ZSCAN5A: variants seen among roughly 807,000 people sequenced by gnomAD.
ZSCAN5A encodes zinc finger and SCAN domain-containing protein 5A.
A neutral mutation model predicts 23.7 loss-of-function variants in ZSCAN5A; 12 were observed. That is an observed-to-expected ratio of 0.51 (90% CI 0.32 to 0.82). ZSCAN5A has a LOEUF of 0.82. ZSCAN5A is among the 40% of genes least tolerant of loss of function. The pLI is 0.03. For synonymous variants in ZSCAN5A, 257 were observed against 239.9 expected (o/e 1.07, Z -0.66); for missense variants, 597 against 617.9 (o/e 0.97, Z 0.36).
At position 56,313,568 on chromosome 19, in the gene ZSCAN5A, G is replaced by A. The variant is rs148110248; in HGVS notation, c.-229-184C>T. 1.6e-3 allele frequency among the ~76,000 whole-genome samples: 239 copies of A among 152,326 alleles called. 2 individuals carry two copies. In the East Asian group the frequency reaches 0.031, roughly 20 times the overall value. On this transcript the variant is annotated intron_variant, in intron 1 of 5. Transcript: ENST00000683990. ...GAAGAGAATGCCAATCCCTCCGTAG[G>A]TAAGTTAGGCAAAAATGATGTATTT...
At chr19:56,252,432 A>G (rs919663416) in intron 2 of ZSCAN5A, among the ~76,000 whole-genome samples, 12 of 152,342 alleles carry the variant, frequency 7.9e-5, no homozygotes, top group Admixed American at 5.9e-4. Context: ...AGCTTATTAC[A>G]TAACAGGATT....
In ZSCAN5A at chr19:56,221,648, C is replaced by A. The variant is rs1172385623; in HGVS notation, c.1418G>T (p.Cys473Phe). The A allele has an allele frequency of 6.2e-7, 1 of 1,614,102 alleles. No homozygotes were observed. Among genetic ancestry groups the A allele is most frequent in the African/African-American group, 1.3e-5 (1 of 75,058 alleles). ...SGEKPYKCSK[C>F]PRAFSRLKLL... ...TTTCAGCCGACTGAAGGCTCTTGGACACTTGGAACATTTGTAGGGTTTCTC... is the reference window on the plus strand; with the variant it reads ...TTTCAGCCGACTGAAGGCTCTTGGAAACTTGGAACATTTGTAGGGTTTCTC... Residue 473 changes from cysteine to phenylalanine, a missense_variant, in exon 6 of 6, where the codon TGT becomes TTT. Cys to Phe is a radical substitution (Grantham distance 205). This residue lies in a region of ZSCAN5A where 87 missense variants were observed against 74.4 expected (regional missense o/e 1.17). Coordinates refer to ENST00000683990, the MANE Select transcript of ZSCAN5A (RefSeq NM_001322064.3).
At chr19:56,250,715 A>G (rs2036276149) in intron 2 of ZSCAN5A, among the ~76,000 whole-genome samples, 1 of 152,170 alleles carries the variant, frequency 6.6e-6, no homozygotes, top group Non-Finnish European at 1.5e-5. Flanking sequence ...TTTCTCCCAC[A>G]TCCGCTCCTA....
At chr19:56,301,848 AT>A in intron 2 of ZSCAN5A, 2 of 1,187,140 alleles carry the variant, frequency 1.7e-6, no homozygotes, top group Non-Finnish European at 2.1e-6. Context: ...CAAAATTTCA[AT>A]TCAGGAGGCA....
chr19:56,283,383 C>G (rs2038859800), intron 2 of ZSCAN5A: 1 of 152,148 alleles, frequency 6.6e-6, no homozygotes, highest in Non-Finnish European at 1.5e-5. Context: ...CAGATCCAAA[C>G]AGGAAACAAT....
At chr19:56,284,143 A>G in intron 2 of ZSCAN5A, 1 of 985,332 alleles carries the variant, frequency 1.0e-6, no homozygotes, top group Non-Finnish European at 1.2e-6. Flanking sequence ...AACATTCTGG[A>G]CCACGCATGT....
intron 2 of ZSCAN5A, among the ~76,000 whole-genome samples, chr19:56,310,835 T>A (rs894174569): frequency 6.6e-6 from 1 of 152,198 alleles, no homozygotes; most frequent in African/African-American, 2.4e-5. Context: ...GTTTCTTGGG[T>A]TCGAATCCCA....
At chr19:56,259,445 T>A (rs968712875) in intron 2 of ZSCAN5A, among the ~76,000 whole-genome samples, 2 of 152,186 alleles carry the variant, frequency 1.3e-5, no homozygotes, top group African/African-American at 4.8e-5. Flanking sequence ...TAGAATTCAA[T>A]CAGCCTTTTC....
intron 2 of ZSCAN5A, among the ~76,000 whole-genome samples, chr19:56,344,447 C>T (rs2041616000): frequency 6.6e-6 from 1 of 152,184 alleles, no homozygotes; most frequent in Admixed American, 6.5e-5. Flanking sequence ...TAGTATTTGG[C>T]AGGGATAAGT....
rs1175628460 is a variant in ZSCAN5A at position 56,341,702 on chromosome 19, C to CAAAAAAA, written c.-358+21526_-358+21532dup. Among the ~76,000 whole-genome samples, 292 of 53,728 alleles carry CAAAAAAA rather than the reference C, an allele frequency of 5.4e-3. 11 individuals carry two copies. The highest frequency in any genetic ancestry group is 0.018 in the South Asian group (21 of 1,164). 35.2% of individuals were successfully genotyped at this position (53,728 alleles called of 152,430 possible). On this transcript the variant is annotated intron_variant, in intron 2 of 6. Coordinates refer to the ZSCAN5A transcript ENST00000587340. ...ATCTTCTAGGCAGGTTACCAAAAGGCAAAAAAAAAAAAAAAAAAAAAAAAA... is the reference window on the plus strand; with the variant it reads ...ATCTTCTAGGCAGGTTACCAAAAGGCAAAAAAAAAAAAAAAAAAAAAAAAAAAAAAAA...
chr19:56,323,848 T>C (rs2041407318), intron 2 of ZSCAN5A, among the ~76,000 whole-genome samples: 1 of 152,148 alleles, frequency 6.6e-6, no homozygotes. Flanking sequence ...CAGAACTTTT[T>C]TTTTTATAGA....
At chr19:56,302,748 C>T in intron 2 of ZSCAN5A, 1 of 312,754 alleles carries the variant, frequency 3.2e-6, no homozygotes, top group Non-Finnish European at 5.8e-6. Context: ...GATAAAACTT[C>T]TCCCTTCTGC....
chr19:56,303,993 C>A (rs1200966164), intron 2 of ZSCAN5A, among the ~76,000 whole-genome samples: 1 of 152,126 alleles, frequency 6.6e-6, no homozygotes, highest in Non-Finnish European at 1.5e-5. Flanking sequence ...GGGTCCAGGT[C>A]ATGTAAGGTT....
chr19:56,329,891 G>C (rs1022005789), intron 2 of ZSCAN5A, among the ~76,000 whole-genome samples: 1 of 152,138 alleles, frequency 6.6e-6, no homozygotes, highest in African/African-American at 2.4e-5. Context: ...GTGTTACTTA[G>C]GTATGTTGCA....
intron 2 of ZSCAN5A, among the ~76,000 whole-genome samples, chr19:56,253,514 C>T (rs1276871452): frequency 6.6e-6 from 1 of 152,138 alleles, no homozygotes; most frequent in Non-Finnish European, 1.5e-5. Flanking sequence ...TGCCAGAAAG[C>T]TGAACACCTG....
chr19:56,257,398 T>C (rs1158090224), intron 2 of ZSCAN5A, among the ~76,000 whole-genome samples: 2 of 152,166 alleles, frequency 1.3e-5, no homozygotes, highest in Admixed American at 1.3e-4. Context: ...ACAGAACACT[T>C]GTCCCTGGGA....
Position 56,225,005 on chromosome 19 carries a change from G to T in ZSCAN5A, c.42C>A (p.Ser14=). The T allele has an allele frequency of 1.9e-6, 3 of 1,613,490 alleles. No individual in the cohort carries two copies. Among genetic ancestry groups the T allele is most frequent in the Non-Finnish European group, 2.5e-6 (3 of 1,179,672 alleles). ...NCTSSWSLGE[S]CNRPGLELPR... The stretch of plus-strand genomic sequence containing the variant: ...GCAGCTCCAACCCAGGTCTGTTGCA[G>T]GATTCTCCTAGACTCCATGAGGATG... The change falls in exon 3 of 6, where the codon TCC becomes TCA. Residue 14 remains serine, a synonymous_variant. Coordinates refer to ENST00000683990, the MANE Select transcript of ZSCAN5A (RefSeq NM_001322064.3).
intron 2 of ZSCAN5A, among the ~76,000 whole-genome samples, chr19:56,284,562 T>C (rs1476725274): frequency 6.9e-6 from 1 of 143,886 alleles, no homozygotes; most frequent in African/African-American, 2.5e-5. Context: ...TCACTCAGGC[T>C]GGAGTGCAGT....
At chr19:56,301,757 C>G (rs1462773526) in intron 2 of ZSCAN5A, among the ~76,000 whole-genome samples, 1 of 152,036 alleles carries the variant, frequency 6.6e-6, no homozygotes, top group African/African-American at 2.4e-5. Flanking sequence ...GGTGGGAGAG[C>G]CAAAAGGCAT....
Sources: gnomAD v4.1 joint callset for allele counts (sites outside exome capture counted in the v4.1 genomes callset) on GRCh38, gnomAD v4.1.1 for gene constraint, gnomAD v4.1.1 regional missense constraint, MANE v1.5 for transcripts, NCBI Gene and HGNC (gene_info 2026-07-23, HGNC 2026-07-21) for gene names.